STAT1: variants seen among roughly 807,000 people sequenced by gnomAD.
STAT1 encodes signal transducer and activator of transcription 1-alpha/beta.
STAT1 carries 24 observed loss-of-function variants against 111.7 expected under a neutral mutation model. That is an observed-to-expected ratio of 0.21 (90% CI 0.16 to 0.30). The LOEUF (loss-of-function observed/expected upper bound fraction) is 0.30. STAT1 is among the 10% of genes least tolerant of loss of function. STAT1 has a pLI of 1.00. For synonymous variants in STAT1, 332 were observed against 326.5 expected (o/e 1.02, Z -0.18); for missense variants, 351 against 911.9 (o/e 0.38, Z 7.92).
At position 190,970,975 on chromosome 2, in the gene STAT1, G is replaced by A. The variant is rs1691415779; in HGVS notation, c.2239-258C>T. On this transcript the variant is annotated intron_variant, in intron 24 of 24. Coordinates refer to ENST00000361099, the MANE Select transcript of STAT1 (RefSeq NM_007315.4). The surrounding 1 kb of genome is among the most constrained non-coding windows in gnomAD (Gnocchi z 5.4). ...TTAATTTTGTGAATCCATCCAGACT[G>A]CATAAAGCTTTTTGCTGTTATGCAA... 1.3e-5 allele frequency among the ~76,000 whole-genome samples: 2 copies of A among 152,200 alleles called. No individual in the cohort carries two copies. The highest frequency in any genetic ancestry group is 4.1e-4 in the South Asian group (2 of 4,834).
intron 10 of STAT1, 75 bp from the exon 11 acceptor site, chr2:190,991,395 A>G: frequency 7.1e-7 from 1 of 1,400,416 alleles, no homozygotes; most frequent in Non-Finnish European, 1.0e-6. Flanking sequence ...ATTTTCCTGA[A>G]AGAAAAAAGG....
rs1182190544 is a variant in STAT1 at position 191,003,574 on chromosome 2, C to G, written c.373-2411G>C. 6.6e-6 allele frequency among the ~76,000 whole-genome samples: 1 copy of G among 152,206 alleles called. No individual in the cohort carries two copies. Among genetic ancestry groups the G allele is most frequent in the South Asian group, 2.1e-4 (1 of 4,834 alleles). On this transcript the variant is annotated intron_variant, in intron 5 of 24. Coordinates refer to ENST00000361099, the MANE Select transcript of STAT1 (RefSeq NM_007315.4). The surrounding 1 kb of genome is among the most constrained non-coding windows in gnomAD (Gnocchi z 4.0). ...ATCTGGTTAAGTGTGGAGCACCTCT[C>G]CCCTGCTTCCTCCTGCTCTGGCCAT...
intron 5 of STAT1, among the ~76,000 whole-genome samples, chr2:191,005,394 C>G (rs1158590810): frequency 6.6e-6 from 1 of 152,224 alleles, no homozygotes; most frequent in East Asian, 1.9e-4. Flanking sequence ...GCGTATATGA[C>G]AGTGGCCCCA....
rs1017191051 is a variant in STAT1 at position 190,996,404 on chromosome 2, C to T, written c.786-1185G>A. Among the ~76,000 whole-genome samples, 4 of 152,240 alleles carry T rather than the reference C, an allele frequency of 2.6e-5. No homozygotes were observed. The highest frequency in any genetic ancestry group is 7.2e-5 in the African/African-American group (3 of 41,460). On this transcript the variant is annotated intron_variant, in intron 9 of 24. Transcript: ENST00000361099. This position sits in a 1 kb window ranked among gnomAD's most constrained non-coding sequence, Gnocchi z 4.5. ...GTCAGGAAAGGAGAAGGCAGGATAA[C>T]GGCTGGCTGAGTTCCAGCGGAGAAG...
In STAT1 at chr2:190,992,789, C is replaced by G. The variant is rs987851066; in HGVS notation, c.945-1469G>C. On this transcript the variant is annotated intron_variant, in intron 10 of 24. Coordinates refer to ENST00000361099, the MANE Select transcript of STAT1 (RefSeq NM_007315.4). The stretch of plus-strand genomic sequence containing the variant: ...AACACAGTTCTACATTCATTGCATT[C>G]TTTCTTTTTTTTTTTTTTGAGACAG... 1.1e-5 allele frequency: 6 copies of G among 530,800 alleles called. No homozygotes were observed. In the African/African-American group the frequency reaches 1.2e-4, roughly 11 times the overall value. The allele number at this position is 530,800 out of a possible 1,614,324, so 32.9% of individuals were successfully genotyped here. A position where few individuals can be genotyped will look rare whatever the true frequency, so the allele number is the denominator to read the frequency against.
Position 190,977,023 on chromosome 2 carries a change from G to A in STAT1, c.1876C>T (p.Pro626Ser), listed in dbSNP as rs866575541. 1 of 1,613,892 alleles carries A rather than the reference G, an allele frequency of 6.2e-7. No homozygotes were observed. Among genetic ancestry groups the A allele is most frequent in the Middle Eastern group, 1.6e-4 (1 of 6,062 alleles). Residue 626 changes from proline (P) to serine (S), a missense_variant and splice_region_variant, in exon 22 of 25, where the codon CCT (proline) becomes TCT (serine). Coordinates refer to ENST00000361099, the MANE Select transcript of STAT1 (RefSeq NM_007315.4). This position sits in a 1 kb window ranked among gnomAD's most constrained non-coding sequence, Gnocchi z 4.7. The part of the protein sequence containing the change: ...WVERSQNGGE[P>S]DFHAVEPYTK... ...TAGGGTTCAACCGCATGGAAGTCAG[G>A]TTCTAAAAAGGAGAAAAGCTAAGTA...
At position 190,969,481 on chromosome 2, in the gene STAT1, C is replaced by T. The variant is rs1178663231; in HGVS notation, c.*1222G>A. 1 of 152,078 alleles carries T rather than the reference C, an allele frequency of 6.6e-6. No individual in the cohort carries two copies. The highest frequency in any genetic ancestry group is 1.5e-5 in the Non-Finnish European group (1 of 67,986). The allele number at this position is 152,078 out of a possible 1,614,324, so 9.4% of individuals were successfully genotyped here. A position where few individuals can be genotyped will look rare whatever the true frequency, so the allele number is the denominator to read the frequency against. Reference sequence around the variant, plus strand: ...GTAAAAGGGAAGAACCTTGTCAAACCCATCTCTTAATCTACTTTTTGTGTC... The same window carrying T: ...GTAAAAGGGAAGAACCTTGTCAAACTCATCTCTTAATCTACTTTTTGTGTC... On this transcript the variant is annotated 3_prime_UTR_variant, in exon 25 of 25. Coordinates refer to ENST00000361099, the MANE Select transcript of STAT1 (RefSeq NM_007315.4).
rs114761273 is a variant in STAT1, at chr2:191,003,764, T to C, written c.373-2601A>G. Among the ~76,000 whole-genome samples the C allele has an allele frequency of 0.026, 3,986 of 152,302 alleles. 213 individuals carry two copies. Among genetic ancestry groups the C allele is most frequent in the Admixed American group, 0.13 (1,991 of 15,288 alleles). The stretch of plus-strand genomic sequence containing the variant: ...AATTACCCAGTCTCAGGTATTTCTT[T>C]ATAGCCATGCAAGAACAGACTAATA... On this transcript the variant is annotated intron_variant, in intron 5 of 24. Coordinates refer to ENST00000361099, the MANE Select transcript of STAT1 (RefSeq NM_007315.4). The surrounding 1 kb of genome is among the most constrained non-coding windows in gnomAD (Gnocchi z 4.0).
rs1559007697 is a variant in STAT1 at position 190,980,242 on chromosome 2, C to T, written c.1633-376G>A. On this transcript the variant is annotated intron_variant, in intron 19 of 24. Transcript: ENST00000361099. The surrounding 1 kb of genome is among the most constrained non-coding windows in gnomAD (Gnocchi z 6.1). ...TGACTCCAGCAGAATCTAAATGTTC[C>T]CCGCAGTGGGCCCCTCTGCTCGAGC... is the stretch of plus-strand genomic sequence containing the variant. Among the ~76,000 whole-genome samples the T allele has an allele frequency of 6.6e-6, 1 of 152,258 alleles. No individual in the cohort carries two copies. Among genetic ancestry groups the T allele is most frequent in the Non-Finnish European group, 1.5e-5 (1 of 68,048 alleles).
chr2:190,988,023 T>A (rs1693005752), intron 12 of STAT1, among the ~76,000 whole-genome samples: 1 of 152,216 alleles, frequency 6.6e-6, no homozygotes. Flanking sequence ...TAAACTGCAA[T>A]GGCAACACAA....
In STAT1 at chr2:191,012,558, T is replaced by C. The variant is rs185791735; in HGVS notation, c.-2+967A>G. On this transcript the variant is annotated intron_variant, in intron 2 of 24. Transcript: ENST00000361099. This position sits in a 1 kb window ranked among gnomAD's most constrained non-coding sequence, Gnocchi z 4.0. ...GCTCAAATCTCAGATTTAGGGTTGA[T>C]TCCTTCCACTCCATCCCAAGACCTG... Among the ~76,000 whole-genome samples the C allele has an allele frequency of 4.1e-4, 62 of 152,242 alleles. No homozygotes were observed. Among genetic ancestry groups the C allele is most frequent in the African/African-American group, 1.5e-3 (62 of 41,562 alleles).
Position 191,006,725 on chromosome 2 carries a change from C to A in STAT1, c.372+838G>T, listed in dbSNP as rs1016551713. 1.3e-5 allele frequency among the ~76,000 whole-genome samples: 2 copies of A among 152,142 alleles called. No individual in the cohort carries two copies. Among genetic ancestry groups the A allele is most frequent in the South Asian group, 4.1e-4 (2 of 4,832 alleles). On this transcript the variant is annotated intron_variant, in intron 5 of 24. Coordinates refer to ENST00000361099, the MANE Select transcript of STAT1 (RefSeq NM_007315.4). The surrounding 1 kb of genome is among the most constrained non-coding windows in gnomAD (Gnocchi z 4.6). ...GTGCTCAAGAAAGGAATACTAAATG[C>A]CATAGCAAATTCAAAACTCTGCTGA...
At position 191,013,625 on chromosome 2, in the gene STAT1, T is replaced by C. The variant is rs1695308336; in HGVS notation, c.-102A>G. 2.5e-6 allele frequency: 1 copy of C among 398,324 alleles called. No homozygotes were observed. The highest frequency in any genetic ancestry group is 4.4e-6 in the Non-Finnish European group (1 of 226,052). The allele number at this position is 398,324 out of a possible 1,614,324, so 24.7% of individuals were successfully genotyped here. A position where few individuals can be genotyped will look rare whatever the true frequency, so the allele number is the denominator to read the frequency against. On this transcript the variant is annotated 5_prime_UTR_variant, in exon 2 of 25. Transcript: ENST00000361099. ...GACTGTCGAGGTTATATACACAGAGTGCGAACGTTAACCTAGACAGCTCTC... is the reference window on the plus strand; with the variant it reads ...GACTGTCGAGGTTATATACACAGAGCGCGAACGTTAACCTAGACAGCTCTC...
At position 190,998,110 on chromosome 2, in the gene STAT1, G is replaced by C. The variant is rs1693988401; in HGVS notation, c.634-103C>G. On this transcript the variant is annotated intron_variant, in intron 8 of 24. Coordinates refer to ENST00000361099, the MANE Select transcript of STAT1 (RefSeq NM_007315.4). The surrounding 1 kb of genome is among the most constrained non-coding windows in gnomAD (Gnocchi z 4.1). The stretch of plus-strand genomic sequence containing the variant: ...GCAAATATCATTTCATTCTCAACTG[G>C]GGCTCTAAGCCAGGTGGCTATAATT... 3.8e-6 allele frequency: 6 copies of C among 1,560,328 alleles called. No homozygotes were observed. The South Asian group carries it at 6.8e-5, about 18-fold the overall frequency.
At position 190,979,642 on chromosome 2, in the gene STAT1, G is replaced by T; in HGVS notation, c.1727+130C>A. 5.4e-6 allele frequency: 4 copies of T among 747,146 alleles called. No homozygotes were observed. In the Admixed American group the frequency reaches 8.2e-5, roughly 15 times the overall value. 46.3% of individuals were successfully genotyped at this position (747,146 alleles called of 1,614,324 possible). The stretch of plus-strand genomic sequence containing the variant: ...TCTACTCTTCTGAAGCCCTGAAGGG[G>T]CAGCCTATAAATGCGCACTCCTGTG... On this transcript the variant is annotated intron_variant, in intron 20 of 24. Transcript: ENST00000361099. The surrounding 1 kb of genome is among the most constrained non-coding windows in gnomAD (Gnocchi z 5.8).
chr2:190,992,819 T>G, intron 10 of STAT1: 1 of 386,552 alleles, frequency 2.6e-6, no homozygotes, highest in South Asian at 5.6e-5. Flanking sequence ...AGACAGAGTC[T>G]TGCTCCGTCT....
In STAT1 at chr2:190,977,134, T is replaced by A. The variant is rs1691967810; in HGVS notation, c.1874-109A>T. On this transcript the variant is annotated intron_variant, in intron 21 of 24. Coordinates refer to ENST00000361099, the MANE Select transcript of STAT1 (RefSeq NM_007315.4). This position sits in a 1 kb window ranked among gnomAD's most constrained non-coding sequence, Gnocchi z 4.7. ...GGATTTGAGTGAACCTCATAAGAAC[T>A]AATCACAATCTAAGCATTATAACAT... 2 of 1,036,868 alleles carry A rather than the reference T, an allele frequency of 1.9e-6. No homozygotes were observed. Among genetic ancestry groups the A allele is most frequent in the African/African-American group, 3.2e-5 (2 of 63,092 alleles). The allele number at this position is 1,036,868 out of a possible 1,614,324, so 64.2% of individuals were successfully genotyped here.
intron 12 of STAT1, among the ~76,000 whole-genome samples, chr2:190,988,739 T>C: frequency 6.6e-6 from 1 of 152,092 alleles, no homozygotes; most frequent in East Asian, 1.9e-4. Context: ...ATACCAAAGA[T>C]GATGGCAGGG....
rs143871837 is a variant in STAT1, at chr2:191,003,088, A to C, written c.373-1925T>G. On this transcript the variant is annotated intron_variant, in intron 5 of 24. Coordinates refer to ENST00000361099, the MANE Select transcript of STAT1 (RefSeq NM_007315.4). This position sits in a 1 kb window ranked among gnomAD's most constrained non-coding sequence, Gnocchi z 4.0. ...TACTCATAAGTAAAATTGGTCCATA[A>C]TTTTTTGTTTTATCTTTATCAGGCA... Among the ~76,000 whole-genome samples the C allele has an allele frequency of 6.6e-6, 1 of 152,146 alleles. No homozygotes were observed.
Sources: gnomAD v4.1 joint callset for allele counts (sites outside exome capture counted in the v4.1 genomes callset) on GRCh38, gnomAD v4.1.1 for gene constraint, Gnocchi (gnomAD v3.1) non-coding constraint, MANE v1.5 for transcripts, NCBI Gene and HGNC (gene_info 2026-07-23, HGNC 2026-07-21) for gene names.